TAFA4: variants seen among roughly 807,000 people sequenced by gnomAD.
The protein encoded by TAFA4 is TAFA chemokine like family member 4.
TAFA4 carries 20 observed loss-of-function variants against 21.1 expected under a neutral mutation model. That is an observed-to-expected ratio of 0.95 (90% CI 0.67 to 1.38). TAFA4 has a LOEUF of 1.38. Among genes scored for constraint, TAFA4 ranks in the 40% most tolerant of loss-of-function variants. The pLI, the probability that TAFA4 is intolerant of heterozygous loss-of-function variation, is 0.00. For synonymous variants in TAFA4, 71 were observed against 67.4 expected (o/e 1.05, Z -0.26); for missense variants, 211 against 180.9 (o/e 1.17, Z -0.95).
At chr3:68,785,055 T>G (rs1442336661) in intron 3 of TAFA4, among the ~76,000 whole-genome samples, 1 of 150,462 alleles carries the variant, frequency 6.6e-6, no homozygotes, top group Non-Finnish European at 1.5e-5. Context: ...ACATAAAGGT[T>G]CTCCAAGTCC....
At chr3:68,931,109 A>G (rs116134157) in intron 1 of TAFA4, among the ~76,000 whole-genome samples, 42 of 152,320 alleles carry the variant, frequency 2.8e-4, no homozygotes, top group Non-Finnish European at 5.1e-4. Flanking sequence ...GACAAGCTTT[A>G]TGCCAAGGAT....
intron 3 of TAFA4, among the ~76,000 whole-genome samples, chr3:68,876,574 T>C (rs2089552009): frequency 6.6e-6 from 1 of 152,194 alleles, no homozygotes; most frequent in African/African-American, 2.4e-5. Flanking sequence ...TCAAGAGTAT[T>C]TGCAGGGTTC....
intron 3 of TAFA4, among the ~76,000 whole-genome samples, chr3:68,798,588 C>T (rs1004407840): frequency 1.3e-5 from 2 of 152,084 alleles, no homozygotes; most frequent in Non-Finnish European, 2.9e-5. Flanking sequence ...GGTATGCACA[C>T]CATCAAGAGC....
intron 3 of TAFA4, among the ~76,000 whole-genome samples, chr3:68,762,304 C>G (rs890839100): frequency 5.9e-5 from 9 of 152,060 alleles, no homozygotes; most frequent in Admixed American, 4.6e-4. Context: ...ACTATAATGA[C>G]TATTTGAGAA....
At chr3:68,900,271 T>TAATAAC (rs2089832485) in intron 1 of TAFA4, among the ~76,000 whole-genome samples, 1 of 61,746 alleles carries the variant, frequency 1.6e-5, no homozygotes, top group Admixed American at 1.7e-4. Flanking sequence ...ATAATAATAA[T>TAATAAC]AATAATAATA....
intron 5 of TAFA4, among the ~76,000 whole-genome samples, chr3:68,735,533 C>T (rs1049920791): frequency 3.9e-5 from 6 of 151,974 alleles, no homozygotes; most frequent in Non-Finnish European, 8.8e-5. Context: ...ACCAGAATAT[C>T]CTAGAGGTAG....
chr3:68,805,737 T>C (rs536226222), intron 3 of TAFA4, among the ~76,000 whole-genome samples: 79 of 150,238 alleles, frequency 5.3e-4, no homozygotes, highest in Admixed American at 1.1e-3. Flanking sequence ...TTCTCACTCA[T>C]AGGTGGGAAT....
intron 3 of TAFA4, among the ~76,000 whole-genome samples, chr3:68,833,196 C>T (rs143137133): frequency 2.6e-5 from 4 of 152,370 alleles, no homozygotes; most frequent in Non-Finnish European, 4.4e-5. Context: ...AGCTTGCCTT[C>T]TGTGGGCTGC....
chr3:68,828,000 T>A (rs951618358), intron 3 of TAFA4, among the ~76,000 whole-genome samples: 8 of 152,164 alleles, frequency 5.3e-5, no homozygotes, highest in African/African-American at 1.7e-4. Flanking sequence ...TCTTCTAGAG[T>A]TTTTGTGGTT....
At chr3:68,871,275 T>C (rs1393175035) in intron 3 of TAFA4, among the ~76,000 whole-genome samples, 1 of 152,100 alleles carries the variant, frequency 6.6e-6, no homozygotes, top group Admixed American at 6.6e-5. Flanking sequence ...ATTGCAGCAC[T>C]ATTTACAATA....
intron 1 of TAFA4, among the ~76,000 whole-genome samples, chr3:68,886,396 G>A (rs113858447): frequency 6.6e-6 from 1 of 152,306 alleles, no homozygotes; most frequent in African/African-American, 2.4e-5. Context: ...TCATCTCCCA[G>A]ATCCTCCAAC....
At chr3:68,823,435 C>T (rs189619488) in intron 3 of TAFA4, among the ~76,000 whole-genome samples, 1 of 152,150 alleles carries the variant, frequency 6.6e-6, no homozygotes, top group Admixed American at 6.5e-5. Context: ...AGGCCTGCTA[C>T]AAGATTTTTT....
At chr3:68,926,635 A>G (rs945617628) in intron 1 of TAFA4, among the ~76,000 whole-genome samples, 1 of 152,150 alleles carries the variant, frequency 6.6e-6, no homozygotes, top group Non-Finnish European at 1.5e-5. Context: ...CTTTGCGGCC[A>G]GGCGTGGTGG....
chr3:68,843,955 C>T (rs1401762220), intron 3 of TAFA4, among the ~76,000 whole-genome samples: 1 of 152,218 alleles, frequency 6.6e-6, no homozygotes, highest in African/African-American at 2.4e-5. Context: ...CGGTGTCCAT[C>T]AGGGATAATG....
intron 1 of TAFA4, among the ~76,000 whole-genome samples, chr3:68,896,450 A>G (rs1050134930): frequency 3.3e-5 from 5 of 152,186 alleles, no homozygotes; most frequent in Non-Finnish European, 7.3e-5. Flanking sequence ...AGTAGCACCG[A>G]GCACACAACA....
intron 3 of TAFA4, among the ~76,000 whole-genome samples, chr3:68,759,370 A>T (rs1439641454): frequency 2.0e-5 from 3 of 152,216 alleles, no homozygotes. Flanking sequence ...ATAACACAGA[A>T]AAGTAACCAT....
chr3:68,819,470 C>T (rs1704067763), intron 3 of TAFA4, among the ~76,000 whole-genome samples: 1 of 152,028 alleles, frequency 6.6e-6, no homozygotes, highest in Non-Finnish European at 1.5e-5. Context: ...AACCTTTCAC[C>T]ATTGAGTTTG....
At chr3:68,896,675 G>A (rs1463037283) in intron 1 of TAFA4, among the ~76,000 whole-genome samples, 1 of 152,172 alleles carries the variant, frequency 6.6e-6, no homozygotes, top group Non-Finnish European at 1.5e-5. Context: ...AGGTTGTGAC[G>A]AGAAGTACAA....
intron 3 of TAFA4, among the ~76,000 whole-genome samples, chr3:68,756,076 G>A (rs1393556329): frequency 6.6e-6 from 1 of 152,182 alleles, no homozygotes; most frequent in Non-Finnish European, 1.5e-5. Context: ...TCCTGAGCCA[G>A]AACCACCCAG....
Sources: allele counts gnomAD v4.1 joint callset (sites outside exome capture counted in the v4.1 genomes callset), GRCh38; gene constraint gnomAD v4.1.1; transcripts MANE v1.5; gene names NCBI Gene and HGNC (gene_info 2026-07-23, HGNC 2026-07-21).